Variants in PSD3 observed in about 807,000 individuals in gnomAD.
The protein encoded by PSD3 is pleckstrin and Sec7 domain containing 3, also known as PH and SEC7 domain-containing protein 3.
PSD3 carries 49 observed loss-of-function variants against 105.5 expected under a neutral mutation model. The ratio of observed to expected loss-of-function variants is 0.46; its 90% confidence interval spans 0.37 to 0.59. The LOEUF is 0.59. PSD3 is among the 20% of genes least tolerant of loss of function. The pLI is 0.00. For synonymous variants in PSD3, 557 were observed against 457.8 expected (o/e 1.22, Z -2.77); for missense variants, 1,561 against 1,263.8 (o/e 1.24, Z -3.57).
At chr8:18,866,305 G>C (rs573019975) in intron 4 of PSD3, among the ~76,000 whole-genome samples, 1 of 152,332 alleles carries the variant, frequency 6.6e-6, no homozygotes, top group East Asian at 1.9e-4. Context: ...CTTCCACTGA[G>C]AGACACTCTG....
chr8:18,846,362 C>T (rs1357985432), intron 4 of PSD3, among the ~76,000 whole-genome samples: 1 of 152,142 alleles, frequency 6.6e-6, no homozygotes, highest in Non-Finnish European at 1.5e-5. Flanking sequence ...TACGAATGTC[C>T]TTGAGGCTTT....
intron 9 of PSD3, among the ~76,000 whole-genome samples, chr8:18,688,626 T>C (rs1188078150): frequency 3.9e-5 from 6 of 152,228 alleles, no homozygotes; most frequent in Non-Finnish European, 8.8e-5. Context: ...CAACATAGTT[T>C]TCCAATTGTT....
intron 12 of PSD3, among the ~76,000 whole-genome samples, chr8:18,579,572 G>T (rs73211741): frequency 3.3e-5 from 5 of 152,202 alleles, no homozygotes; most frequent in Non-Finnish European, 5.9e-5. Context: ...ATTTCACAAT[G>T]CTATTTATTT....
Position 18,592,800 on chromosome 8 carries a change from G to A in PSD3, c.2481+7564C>T, listed in dbSNP as rs529258360. On this transcript the variant is annotated intron_variant, in intron 12 of 15. Transcript: ENST00000327040. Reference sequence around the variant, plus strand: ...ATATAGACCAATGGAACAGAACAGAGCCCTCAGAAATAACACCACCCATCT... The same window carrying A: ...ATATAGACCAATGGAACAGAACAGAACCCTCAGAAATAACACCACCCATCT... Among the ~76,000 whole-genome samples, 68 of 152,148 alleles carry A rather than the reference G, an allele frequency of 4.5e-4. 1 individual carries two copies. The highest frequency in any genetic ancestry group is 1.4e-3 in the African/African-American group (57 of 41,516).
intron 1 of PSD3, among the ~76,000 whole-genome samples, 169 bp downstream of exon 1, chr8:19,013,390 CAAAG>C (rs1283248662): frequency 6.6e-6 from 1 of 152,132 alleles, no homozygotes; most frequent in South Asian, 2.1e-4. Context: ...CTAAAAAACA[CAAAG>C]CAAGCAAGCG....
At chr8:19,011,837 T>C (rs775582544) in intron 1 of PSD3, among the ~76,000 whole-genome samples, 1 of 152,048 alleles carries the variant, frequency 6.6e-6, no homozygotes, top group Non-Finnish European at 1.5e-5. Context: ...TTTAGCTTTG[T>C]AGCTCTAATC....
intron 1 of PSD3, among the ~76,000 whole-genome samples, chr8:18,983,877 G>A (rs973354971): frequency 2.0e-5 from 3 of 151,702 alleles, no homozygotes; most frequent in South Asian, 2.1e-4. Context: ...GGTGGCATGT[G>A]CTGTAGTCCC....
intron 2 of PSD3, among the ~76,000 whole-genome samples, chr8:18,916,886 T>C (rs1326682209): frequency 6.7e-6 from 1 of 149,394 alleles, no homozygotes; most frequent in Non-Finnish European, 1.5e-5. Context: ...CTGAAGGAAA[T>C]GAAAAAAAAG....
chr8:19,065,641 A>G (rs1829051206), intron 1 of PSD3, among the ~76,000 whole-genome samples: 1 of 152,224 alleles, frequency 6.6e-6, no homozygotes, highest in African/African-American at 2.4e-5. Flanking sequence ...AGAGATGCGC[A>G]GGGCAAGGCA....
intron 9 of PSD3, among the ~76,000 whole-genome samples, chr8:18,680,971 G>C (rs541847388): frequency 1.3e-3 from 186 of 147,138 alleles, no homozygotes; most frequent in African/African-American, 4.4e-3. Context: ...GAGGACTACA[G>C]ATAATTAATA....
intron 1 of PSD3, among the ~76,000 whole-genome samples, chr8:18,963,255 C>A (rs1210467352): frequency 6.6e-6 from 1 of 152,140 alleles, no homozygotes; most frequent in East Asian, 1.9e-4. Flanking sequence ...TATGGGCATA[C>A]AATTCAAGAT....
chr8:18,588,823 T>C (rs914558367), intron 12 of PSD3, among the ~76,000 whole-genome samples: 3 of 152,190 alleles, frequency 2.0e-5, no homozygotes, highest in Non-Finnish European at 4.4e-5. Flanking sequence ...GACAGTGATG[T>C]AGGAAAAGCT....
chr8:18,959,457 A>T (rs1272063904), intron 1 of PSD3, among the ~76,000 whole-genome samples: 2 of 152,114 alleles, frequency 1.3e-5, no homozygotes, highest in Non-Finnish European at 2.9e-5. Flanking sequence ...CTCAGCCTAC[A>T]AAATAAAGCT....
At chr8:18,841,143 C>T (rs545208674) in intron 4 of PSD3, among the ~76,000 whole-genome samples, 48 of 152,302 alleles carry the variant, frequency 3.2e-4, no homozygotes, top group African/African-American at 1.1e-3. Context: ...AGCCTGCTGC[C>T]AGCATTGACA....
Position 18,648,890 on chromosome 8 carries a change from T to A in PSD3, c.2216+6752A>T, listed in dbSNP as rs570850731. On this transcript the variant is annotated intron_variant, in intron 10 of 15. Transcript: ENST00000327040. ...TCCAGAGAGTGTAAGCCATAAGCCT[T>A]GGTGGCTTCCACATGGCGTTAAGCC... 1.7e-3 allele frequency among the ~76,000 whole-genome samples: 258 copies of A among 152,380 alleles called. 2 individuals carry two copies. Among genetic ancestry groups the A allele is most frequent in the Non-Finnish European group, 2.8e-3 (188 of 68,034 alleles).
chr8:18,911,025 A>G (rs536951356), intron 2 of PSD3, among the ~76,000 whole-genome samples: 5 of 152,226 alleles, frequency 3.3e-5, no homozygotes, highest in Admixed American at 2.6e-4. Flanking sequence ...GAAGGACTGC[A>G]TTAGCCCAGG....
Position 19,063,530 on chromosome 8 carries a change from T to G in PSD3, c.324+20676A>C, listed in dbSNP as rs532823823. 6.1e-4 allele frequency among the ~76,000 whole-genome samples: 93 copies of G among 152,314 alleles called. 2 individuals carry two copies. The South Asian group carries it at 0.018, about 30-fold the overall frequency. On this transcript the variant is annotated intron_variant, in intron 1 of 1. Transcript: ENST00000521475. Reference sequence around the variant, plus strand: ...CACAACCCCGCGATCTGATTCTCACTACATCGTGGTGAGACAGGTATTACC... The same window carrying G: ...CACAACCCCGCGATCTGATTCTCACGACATCGTGGTGAGACAGGTATTACC...
chr8:19,065,289 G>A (rs1469364254), intron 1 of PSD3, among the ~76,000 whole-genome samples: 1 of 152,134 alleles, frequency 6.6e-6, no homozygotes. Flanking sequence ...ACGTGTGTGT[G>A]GTGGGAAGTT....
At chr8:19,012,481 C>T (rs1278027729) in intron 1 of PSD3, among the ~76,000 whole-genome samples, 1 of 152,088 alleles carries the variant, frequency 6.6e-6, no homozygotes, top group Non-Finnish European at 1.5e-5. Context: ...TCCTTTCCCT[C>T]ACATCTCACA....
Sources: gnomAD v4.1 joint callset for allele counts (sites outside exome capture counted in the v4.1 genomes callset) on GRCh38, gnomAD v4.1.1 for gene constraint, MANE v1.5 for transcripts, NCBI Gene and HGNC (gene_info 2026-07-23, HGNC 2026-07-21) for gene names.